SYT16: variants seen among roughly 807,000 people sequenced by gnomAD.
SYT16 encodes the protein synaptotagmin-16.
SYT16 carries 42 observed loss-of-function variants against 61.4 expected under a neutral mutation model. The observed-to-expected ratio is 0.68, with a 90% CI of 0.53 to 0.89. The LOEUF is 0.89. Among genes scored for constraint, SYT16 ranks in the 40% least tolerant of loss-of-function variants. SYT16 has a pLI of 0.00. For missense variants in SYT16, 804 were observed against 807.3 expected (o/e 1.00, Z 0.05); for synonymous variants, 314 against 302.3 (o/e 1.04, Z -0.40).
intron 1 of SYT16, among the ~76,000 whole-genome samples, chr14:61,881,118 A>G (rs140063148): frequency 4.5e-4 from 69 of 152,260 alleles, no homozygotes; most frequent in Non-Finnish European, 8.4e-4. Context: ...TGTTTTTATT[A>G]TATTTTTCTG....
At chr14:61,972,715 C>T (rs997224631) in intron 2 of SYT16, among the ~76,000 whole-genome samples, 3 of 152,180 alleles carry the variant, frequency 2.0e-5, no homozygotes, top group Non-Finnish European at 4.4e-5. Context: ...ATGTTCTTAA[C>T]ATATTTTGAC....
chr14:62,018,298 C>CTTTTTTTTTTTTTTTT (rs776473522), intron 3 of SYT16, among the ~76,000 whole-genome samples: 10 of 51,642 alleles, frequency 1.9e-4, no homozygotes, highest in Non-Finnish European at 3.0e-4. Flanking sequence ...TCTTCTTCTT[C>CTTTTTTTTTTTTTTTT]TTTTTTTTTT....
In SYT16 at chr14:61,995,891, G is replaced by A; in HGVS notation, c.-129G>A. Reference sequence around the variant, plus strand: ...TCTGTTTCAGCTGGAAGTTTTGAGAGTGAAATATTCACAGCCATTAAGAGA... The same window carrying A: ...TCTGTTTCAGCTGGAAGTTTTGAGAATGAAATATTCACAGCCATTAAGAGA... On this transcript the variant is annotated 5_prime_UTR_variant, in exon 3 of 8. It adds an upstream start codon to the 5' untranslated region. Coordinates refer to ENST00000683842, the MANE Select transcript of SYT16 (RefSeq NM_001367656.1). The A allele has an allele frequency of 3.2e-6, 3 of 932,076 alleles. No homozygotes were observed. Among genetic ancestry groups the A allele is most frequent in the Non-Finnish European group, 4.6e-6 (3 of 647,798 alleles). The allele number at this position is 932,076 out of a possible 1,614,324, so 57.7% of individuals were successfully genotyped here.
intron 1 of SYT16, among the ~76,000 whole-genome samples, chr14:61,965,259 G>A (rs2051269223): frequency 1.3e-5 from 2 of 152,126 alleles, no homozygotes; most frequent in South Asian, 4.1e-4. Flanking sequence ...CTGAGTCATT[G>A]CTATGACACT....
chr14:61,935,937 C>T (rs1222476203), intron 1 of SYT16, among the ~76,000 whole-genome samples: 2 of 151,916 alleles, frequency 1.3e-5, no homozygotes, highest in Admixed American at 6.6e-5. Flanking sequence ...GTATTCTGAC[C>T]CTTCAGCCAG....
At chr14:61,944,065 C>T (rs1345883038) in intron 1 of SYT16, among the ~76,000 whole-genome samples, 2 of 152,176 alleles carry the variant, frequency 1.3e-5, no homozygotes, top group Non-Finnish European at 2.9e-5. Flanking sequence ...GTGCAAAAAT[C>T]ACAAGCATTC....
intron 1 of SYT16, among the ~76,000 whole-genome samples, chr14:61,931,327 A>G (rs1249447389): frequency 6.6e-6 from 1 of 152,196 alleles, no homozygotes; most frequent in African/African-American, 2.4e-5. Context: ...TTTTCTAGGG[A>G]CAGGATGGAG....
chr14:62,016,882 C>A (rs1202730289), intron 3 of SYT16, among the ~76,000 whole-genome samples: 1 of 152,134 alleles, frequency 6.6e-6, no homozygotes, highest in Non-Finnish European at 1.5e-5. Flanking sequence ...CTCTTTAGAA[C>A]AGGGACCCCA....
chr14:61,995,754 T>A (rs1792921224), intron 2 of SYT16, 122 bp from the exon 3 acceptor site: 3 of 358,580 alleles, frequency 8.4e-6, no homozygotes. Context: ...GTAACTATTT[T>A]AAGATTTTCC....
chr14:61,876,089 T>C lies in SYT16; in HGVS notation c.-325+63279T>C, dbSNP rs141662092. ...GTGTGTGTGTGCACATGCACGTGTG[T>C]GTGAGTGCGTGTTTACTGTGTTTAC... On this transcript the variant is annotated intron_variant, in intron 1 of 7. Coordinates refer to ENST00000683842, the MANE Select transcript of SYT16 (RefSeq NM_001367656.1). Among the ~76,000 whole-genome samples the C allele has an allele frequency of 1.4e-4, 21 of 152,340 alleles. No homozygotes were observed. In the East Asian group the frequency reaches 2.9e-3, roughly 21 times the overall value.
At chr14:61,861,043 G>A (rs2046946559) in intron 1 of SYT16, among the ~76,000 whole-genome samples, 1 of 152,184 alleles carries the variant, frequency 6.6e-6, no homozygotes, top group Non-Finnish European at 1.5e-5. Flanking sequence ...AAGTTGGCTG[G>A]AGTTGGAATG....
chr14:61,825,589 A>G, intron 1 of SYT16, among the ~76,000 whole-genome samples: 1 of 152,144 alleles, frequency 6.6e-6, no homozygotes, highest in East Asian at 1.9e-4. Context: ...AGGCTGAGGT[A>G]GGAGGATGGC....
intron 2 of SYT16, among the ~76,000 whole-genome samples, chr14:61,992,842 C>T (rs1024560234): frequency 3.3e-5 from 5 of 152,008 alleles, no homozygotes; most frequent in Non-Finnish European, 7.4e-5. Context: ...TTTTAAAAAA[C>T]GCTATATCAA....
chr14:61,924,089 A>G (rs1360878018), intron 1 of SYT16, among the ~76,000 whole-genome samples: 2 of 152,216 alleles, frequency 1.3e-5, no homozygotes, highest in African/African-American at 2.4e-5. Context: ...TTTTGACATT[A>G]AAGTTGAAGT....
intron 3 of SYT16, among the ~76,000 whole-genome samples, chr14:62,031,024 A>G (rs2054291355): frequency 6.6e-6 from 1 of 152,194 alleles, no homozygotes. Flanking sequence ...GCCTCACAGT[A>G]TTGCTGTGAG....
chr14:61,940,999 G>A (rs552024079), intron 1 of SYT16, among the ~76,000 whole-genome samples: 6 of 152,094 alleles, frequency 3.9e-5, no homozygotes, highest in East Asian at 1.9e-4. Flanking sequence ...CCCCTTTCCC[G>A]TGCAGAAGGA....
At chr14:62,099,830 A>G (rs2057371906) in intron 7 of SYT16, among the ~76,000 whole-genome samples, 1 of 152,098 alleles carries the variant, frequency 6.6e-6, no homozygotes, top group Non-Finnish European at 1.5e-5. Context: ...GTGAGCTGTG[A>G]TCATGCCACT....
At chr14:62,044,957 G>A (rs964126559) in intron 3 of SYT16, among the ~76,000 whole-genome samples, 2 of 152,112 alleles carry the variant, frequency 1.3e-5, no homozygotes, top group Non-Finnish European at 2.9e-5. Context: ...GGCCAACGTG[G>A]TGAAACCCCA....
intron 3 of SYT16, among the ~76,000 whole-genome samples, chr14:62,034,621 CT>C (rs1007995349): frequency 6.7e-6 from 1 of 149,418 alleles, no homozygotes; most frequent in Non-Finnish European, 1.5e-5. Context: ...TTATATGACT[CT>C]TTTTTATATG....
Sources: allele counts gnomAD v4.1 joint callset (sites outside exome capture counted in the v4.1 genomes callset), GRCh38; gene constraint gnomAD v4.1.1; transcripts MANE v1.5; gene names NCBI Gene and HGNC (gene_info 2026-07-23, HGNC 2026-07-21).